KLHDC4: variants seen among roughly 807,000 people sequenced by gnomAD.
KLHDC4 encodes the protein kelch domain containing 4.
A neutral mutation model predicts 62.4 loss-of-function variants in KLHDC4; 90 were observed. The ratio of observed to expected loss-of-function variants is 1.44; its 90% CI spans 1.22 to 1.72. KLHDC4 has a LOEUF of 1.72. Among genes scored for constraint, KLHDC4 ranks in the 40% most tolerant of loss-of-function variants. The pLI, the probability that KLHDC4 is intolerant of heterozygous loss-of-function variation, is 0.00. For synonymous variants in KLHDC4, 386 were observed against 284.4 expected, an observed-to-expected ratio of 1.36 and a Z score of -3.59; for missense variants, 1,025 against 699.7, an observed-to-expected ratio of 1.47 and a Z score of -5.25.
At chr16:87,743,506 G>T (rs543542351) in intron 5 of KLHDC4, among the ~76,000 whole-genome samples, 31 of 152,200 alleles carry the variant, frequency 2.0e-4, no homozygotes, top group African/African-American at 7.0e-4. Flanking sequence ...TTGGGAGGCC[G>T]AGGTGGGTGG....
At chr16:87,737,571 G>A (rs913652865) in intron 5 of KLHDC4, among the ~76,000 whole-genome samples, 11 of 149,050 alleles carry the variant, frequency 7.4e-5, no homozygotes, top group East Asian at 6.0e-4. Context: ...TCACCTTCCC[G>A]GTTTCTCTAC....
rs61735154 is a variant in KLHDC4, at chr16:87,709,466, C to G, written c.1246G>C (p.Glu416Gln). Residue 416 changes from glutamate to glutamine, a missense_variant, in exon 10 of 12, where the codon GAA (glutamate) becomes CAA (glutamine). By Grantham distance (29) the Glu-to-Gln change is conservative. Coordinates refer to ENST00000270583, the MANE Select transcript of KLHDC4 (RefSeq NM_017566.4). ...CTGCCGGCCTCCTCAAGGCTGTCTT[C>G]GTCCTCAGACCGGGGCTGCCCCGCC... ...GSAGQPRSED[E>Q]DSLEEAGSPA... 6.2e-7 allele frequency: 1 copy of G among 1,611,716 alleles called. No individual in the cohort carries two copies. The highest frequency in any genetic ancestry group is 1.1e-5 in the South Asian group (1 of 91,070).
In KLHDC4 at chr16:87,748,730, T is replaced by G; in HGVS notation, c.449A>C (p.Tyr150Ser). ...CAGGACCCAGAGATCCTTGTAGTGG[T>G]AGAACTGCTCTCCGTTGGGAGAGGC... ...EFASPNGEQF[Y>S]HYKDLWVLHL... The change falls in exon 5 of 12, where the codon TAC (tyrosine) becomes TCC (serine). Residue 150 changes from tyrosine to serine, a missense_variant. By Grantham distance (144) the Tyr-to-Ser change is moderately radical. Coordinates refer to ENST00000270583, the MANE Select transcript of KLHDC4 (RefSeq NM_017566.4). 6.2e-7 allele frequency: 1 copy of G among 1,613,398 alleles called. No individual in the cohort carries two copies. Among genetic ancestry groups the G allele is most frequent in the Non-Finnish European group, 8.5e-7 (1 of 1,179,880 alleles).
chr16:87,749,515 T>C (rs1001151024), intron 4 of KLHDC4, among the ~76,000 whole-genome samples: 5 of 148,378 alleles, frequency 3.4e-5, no homozygotes, highest in Non-Finnish European at 7.4e-5. Flanking sequence ...GACTGTGCCA[T>C]TGCACTCCAG....
intron 7 of KLHDC4, among the ~76,000 whole-genome samples, chr16:87,723,312 C>G (rs1245472942): frequency 6.6e-6 from 1 of 152,260 alleles, no homozygotes. Flanking sequence ...GCCACAGGCT[C>G]AGAGCCAAGA....
At chr16:87,763,603 T>C (rs962818640) in intron 1 of KLHDC4, 11 of 152,120 alleles carry the variant, frequency 7.2e-5, no homozygotes, top group Admixed American at 2.0e-4. Context: ...CAGGACTCCA[T>C]CTCAAAAAAA....
chr16:87,703,127 G>A (rs2034240230), downstream of KLHDC4: 1 of 152,254 alleles, frequency 6.6e-6, no homozygotes, highest in South Asian at 2.1e-4. Context: ...CTGCGCAATG[G>A]ATGTGTGGAC....
chr16:87,735,295 G>A (rs1401480577), intron 5 of KLHDC4, among the ~76,000 whole-genome samples: 2 of 140,398 alleles, frequency 1.4e-5, no homozygotes, highest in African/African-American at 2.7e-5. Context: ...GCGAGACTCC[G>A]TCTCAAAAAA....
intron 1 of KLHDC4, chr16:87,765,067 T>C: frequency 4.4e-6 from 2 of 454,854 alleles, no homozygotes; most frequent in South Asian, 1.6e-5. Flanking sequence ...GGAACTGACC[T>C]GCTCGTGAGG....
chr16:87,723,772 T>C (rs950845829), intron 7 of KLHDC4, among the ~76,000 whole-genome samples: 2 of 152,394 alleles, frequency 1.3e-5, no homozygotes. Flanking sequence ...AACAGACCTA[T>C]GTTCCTGCAG....
At chr16:87,725,301 G>T (rs1248123286) in intron 7 of KLHDC4, among the ~76,000 whole-genome samples, 1 of 152,150 alleles carries the variant, frequency 6.6e-6, no homozygotes, top group Admixed American at 6.5e-5. Context: ...AATTACCACC[G>T]ACTACAGGCG....
chr16:87,748,491 G>C (rs1464179769), intron 5 of KLHDC4, among the ~76,000 whole-genome samples, 182 bp downstream of exon 5: 1 of 152,132 alleles, frequency 6.6e-6, no homozygotes, highest in African/African-American at 2.4e-5. Flanking sequence ...CCCGGCCCAG[G>C]CTTCTGTATG....
At chr16:87,708,953 G>A (rs185676859) in intron 10 of KLHDC4, among the ~76,000 whole-genome samples, 1 of 152,266 alleles carries the variant, frequency 6.6e-6, no homozygotes, top group Non-Finnish European at 1.5e-5. Flanking sequence ...CAGGGCCTCG[G>A]GGCCCGGCTC....
chr16:87,715,603 GT>G (rs1457159515), intron 7 of KLHDC4, among the ~76,000 whole-genome samples: 3 of 152,160 alleles, frequency 2.0e-5, no homozygotes, highest in African/African-American at 4.8e-5. Context: ...TGGCTCAGGA[GT>G]TTTATAGAGT....
intron 5 of KLHDC4, among the ~76,000 whole-genome samples, chr16:87,731,708 A>G (rs1006755893): frequency 6.6e-6 from 1 of 152,190 alleles, no homozygotes; most frequent in Non-Finnish European, 1.5e-5. Context: ...GACATAAGAC[A>G]TGGACTCAAG....
chr16:87,715,140 G>A (rs1040744234), intron 7 of KLHDC4, among the ~76,000 whole-genome samples: 6 of 152,182 alleles, frequency 3.9e-5, no homozygotes, highest in Non-Finnish European at 8.8e-5. Context: ...ACAAGTCCTG[G>A]TGCCACACCC....
chr16:87,704,150 C>G (rs1469455), downstream of KLHDC4, among the ~76,000 whole-genome samples: 1 of 152,218 alleles, frequency 6.6e-6, no homozygotes, highest in Admixed American at 6.5e-5. Flanking sequence ...AAGCACACGG[C>G]GCCGCCACCT....
At chr16:87,721,865 G>T (rs912489518) in intron 7 of KLHDC4, among the ~76,000 whole-genome samples, 1 of 151,994 alleles carries the variant, frequency 6.6e-6, no homozygotes, top group African/African-American at 2.4e-5. Flanking sequence ...GGAGGGCCCC[G>T]TCCTCAGCAG....
At position 87,708,482 on chromosome 16, in the gene KLHDC4, G is replaced by A. The variant is rs757037461; in HGVS notation, c.1448-16C>T. On this transcript the variant is annotated splice_polypyrimidine_tract_variant and intron_variant, in intron 10 of 11. Coordinates refer to ENST00000270583, the MANE Select transcript of KLHDC4 (RefSeq NM_017566.4). ...TCCTGAGTTTCTTCAAAAGCAGAAT[G>A]AACGCACATACACGTCAGCGCAGCT... is the stretch of plus-strand genomic sequence containing the variant. The A allele has an allele frequency of 1.6e-5, 26 of 1,589,680 alleles. No individual in the cohort carries two copies. The highest frequency in any genetic ancestry group is 2.2e-5 in the South Asian group (2 of 89,672).
Sources: gnomAD v4.1 joint callset for allele counts (sites outside exome capture counted in the v4.1 genomes callset) on GRCh38, gnomAD v4.1.1 for gene constraint, MANE v1.5 for transcripts, NCBI Gene and HGNC (gene_info 2026-07-23, HGNC 2026-07-21) for gene names.